AK1: variants seen among roughly 807,000 people sequenced by gnomAD.
The protein encoded by AK1 is adenylate kinase isoenzyme 1.
In AK1, 13 loss-of-function variants were observed where a neutral mutation model predicts 23.9. That is an observed-to-expected ratio of 0.54 (90% CI 0.35 to 0.86). The LOEUF is 0.86. Ranked by LOEUF, AK1 falls within the 40% of genes least tolerant of loss-of-function variation. The probability of loss-of-function intolerance (pLI) is 0.01; values close to 1 mark genes in which losing one functional copy is unlikely to be tolerated. For synonymous variants in AK1, 97 were observed against 102.8 expected (o/e 0.94, Z 0.34); for missense variants, 214 against 255.1 (o/e 0.84, Z 1.10).
Position 127,874,619 on chromosome 9 carries a change from C to T in AK1, c.-2G>A. ...GGAGAGGAGGCTCATACCTTCCATC[C>T]TGCCGAGGTCCCGGGAGCCGTGTCA... On this transcript the variant is annotated 5_prime_UTR_variant, in exon 2 of 7. Coordinates refer to ENST00000644144, the MANE Select transcript of AK1 (RefSeq NM_000476.3). The T allele has an allele frequency of 6.2e-7, 1 of 1,613,718 alleles. No homozygotes were observed. Among genetic ancestry groups the T allele is most frequent in the Non-Finnish European group, 8.5e-7 (1 of 1,179,956 alleles).
rs1356518002 is a variant in AK1 at position 127,868,351 on chromosome 9, G to A, written c.486C>T (p.Ala162=). 2 of 1,606,660 alleles carry A rather than the reference G, an allele frequency of 1.2e-6. No homozygotes were observed. Among genetic ancestry groups the A allele is most frequent in the East Asian group, 2.2e-5 (1 of 44,696 alleles). The change falls in exon 6 of 7, where the codon GCC becomes GCT. Residue 162 remains alanine, a synonymous_variant. Transcript: ENST00000644144. The surrounding 1 kb of genome is among the most constrained non-coding windows in gnomAD (Gnocchi z 4.1). The stretch of plus-strand genomic sequence containing the variant: ...GCACAATGCCACGTTTCTCATAGAA[G>A]GCGATGACAGGTTCTGTGGCCTTGT... ...TYYKATEPVI[A]FYEKRGIVRK...
At position 127,868,354 on chromosome 9, in the gene AK1, G is replaced by C; in HGVS notation, c.483C>G (p.Ile161Met). 6.2e-7 allele frequency: 1 copy of C among 1,608,018 alleles called. No homozygotes were observed. Among genetic ancestry groups the C allele is most frequent in the Non-Finnish European group, 8.5e-7 (1 of 1,177,410 alleles). The stretch of plus-strand genomic sequence containing the variant: ...CAATGCCACGTTTCTCATAGAAGGC[G>C]ATGACAGGTTCTGTGGCCTTGTAAT... ...ETYYKATEPV[I>M]AFYEKRGIVR... Residue 161 changes from isoleucine (I) to methionine (M), a missense_variant, in exon 6 of 7, where the codon ATC (isoleucine) becomes ATG (methionine). Transcript: ENST00000644144. This position sits in a 1 kb window ranked among gnomAD's most constrained non-coding sequence, Gnocchi z 4.1.
chr9:127,872,647 C>T (rs73669437), intron 4 of AK1, 43 bp downstream of exon 4: 3 of 1,611,924 alleles, frequency 1.9e-6, no homozygotes, highest in Non-Finnish European at 2.5e-6. Flanking sequence ...CCACTCAGGG[C>T]TACTGTCATC....
rs750899537 is a variant in AK1, at chr9:127,874,636, G to C, written c.-19C>G. On this transcript the variant is annotated 5_prime_UTR_variant, in exon 2 of 7. Transcript: ENST00000644144. Reference sequence around the variant, plus strand: ...CTTCCATCCTGCCGAGGTCCCGGGAGCCGTGTCAGTGCTCTGTAAGACAAG... The same window carrying C: ...CTTCCATCCTGCCGAGGTCCCGGGACCCGTGTCAGTGCTCTGTAAGACAAG... The C allele has an allele frequency of 3.7e-6, 6 of 1,613,766 alleles. No homozygotes were observed. The highest frequency in any genetic ancestry group is 5.1e-6 in the Non-Finnish European group (6 of 1,179,982).
chr9:127,873,294 C>A, intron 2 of AK1: 1 of 1,532,958 alleles, frequency 6.5e-7, no homozygotes, highest in Non-Finnish European at 8.7e-7. Context: ...CGGGCAGAGG[C>A]AAAAGCCTAA....
In AK1 at chr9:127,873,684, C is replaced by T. The variant is rs78111106; in HGVS notation, c.8-623G>A. ...GCCTGCTGTTAGATCCCAGCAAGGC[C>T]ACAGCCCCACTGGGCAGAGGGAAAC... is the stretch of plus-strand genomic sequence containing the variant. On this transcript the variant is annotated intron_variant, in intron 2 of 6. Coordinates refer to ENST00000644144, the MANE Select transcript of AK1 (RefSeq NM_000476.3). 1,140 of 1,362,998 alleles carry T rather than the reference C, an allele frequency of 8.4e-4. 11 individuals carry two copies. In the African/African-American group the frequency reaches 0.015, roughly 18 times the overall value. 84.4% of individuals were successfully genotyped at this position (1,362,998 alleles called of 1,614,324 possible).
At chr9:127,869,365 C>T (rs2767399) in intron 5 of AK1, 1 of 153,758 alleles carries the variant, frequency 6.5e-6, no homozygotes, top group Admixed American at 6.5e-5. Flanking sequence ...TTCTGCGCAG[C>T]TTTGGCCCTG....
chr9:127,871,770 G>C lies in AK1; in HGVS notation c.324+53C>G. On this transcript the variant is annotated intron_variant, in intron 5 of 6. Transcript: ENST00000644144. This position sits in a 1 kb window ranked among gnomAD's most constrained non-coding sequence, Gnocchi z 4.4. ...CCCGCAGGCCCGCCCATGGGGATGG[G>C]AGTCTTATCCTGCCCCAGCCCACCA... The C allele has an allele frequency of 4.0e-6, 6 of 1,485,868 alleles. No homozygotes were observed. Among genetic ancestry groups the C allele is most frequent in the Non-Finnish European group, 5.6e-6 (6 of 1,064,482 alleles). The allele number at this position is 1,485,868 out of a possible 1,614,324, so 92.0% of individuals were successfully genotyped here.
intron 2 of AK1, chr9:127,874,074 G>A (rs1829482727): frequency 1.0e-6 from 1 of 985,418 alleles, no homozygotes; most frequent in African/African-American, 1.7e-5. Context: ...GGCCCGCTGG[G>A]TGTCTTTAAG....
At chr9:127,879,297 C>T (rs1829598228), upstream of AK1, among the ~76,000 whole-genome samples, 2 of 152,034 alleles carry the variant, frequency 1.3e-5, no homozygotes, top group South Asian at 4.2e-4. Flanking sequence ...GTTAATGGGA[C>T]AAGAGGCTTC....
upstream of AK1, among the ~76,000 whole-genome samples, chr9:127,879,122 A>G (rs990739444): frequency 7.3e-5 from 11 of 151,212 alleles, no homozygotes; most frequent in African/African-American, 2.7e-4. Flanking sequence ...GCGCCCTTCT[A>G]CTTTAAGAAA....
At chr9:127,877,863 CG>C (rs1829578295), upstream of AK1, 1 of 152,286 alleles carries the variant, frequency 6.6e-6, no homozygotes, top group South Asian at 2.1e-4. The surrounding 1 kb of genome is among the most constrained non-coding windows in gnomAD (Gnocchi z 5.2). Flanking sequence ...TGCCCCGCAC[CG>C]TGGACCCCCA....
chr9:127,873,169 C>A (rs1280776662), intron 2 of AK1, 108 bp from the exon 3 acceptor site: 5 of 1,549,714 alleles, frequency 3.2e-6, no homozygotes, highest in Non-Finnish European at 3.5e-6. Context: ...GGGACAGACA[C>A]CGCTGGCGCT....
At position 127,868,325 on chromosome 9, in the gene AK1, C is replaced by T. The variant is rs950588967; in HGVS notation, c.512G>A (p.Arg171His). ...CCCTGGGCCCGCGGGGCCCACCTTG[C>T]GCACAATGCCACGTTTCTCATAGAA... ...IAFYEKRGIV[R>H]KVNAEGSVDS... Residue 171 changes from arginine (R) to histidine (H), a missense_variant, in exon 6 of 7, where the codon CGC (arginine) becomes CAC (histidine). Arg to His is a conservative substitution (Grantham distance 29, BLOSUM62 0). Coordinates refer to ENST00000644144, the MANE Select transcript of AK1 (RefSeq NM_000476.3). The surrounding 1 kb of genome is among the most constrained non-coding windows in gnomAD (Gnocchi z 4.1). The T allele has an allele frequency of 4.4e-6, 7 of 1,584,392 alleles. No homozygotes were observed. Among genetic ancestry groups the T allele is most frequent in the African/African-American group, 1.3e-5 (1 of 74,412 alleles).
In AK1 at chr9:127,871,765, G is replaced by T; in HGVS notation, c.324+58C>A. The T allele has an allele frequency of 6.9e-7, 1 of 1,445,184 alleles. No homozygotes were observed. The allele number at this position is 1,445,184 out of a possible 1,614,324, so 89.5% of individuals were successfully genotyped here. A position where few individuals can be genotyped will look rare whatever the true frequency, so the allele number is the denominator to read the frequency against. On this transcript the variant is annotated intron_variant, in intron 5 of 6. Coordinates refer to ENST00000644144, the MANE Select transcript of AK1 (RefSeq NM_000476.3). The surrounding 1 kb of genome is among the most constrained non-coding windows in gnomAD (Gnocchi z 4.4). ...CAGCCCCCGCAGGCCCGCCCATGGGGATGGGAGTCTTATCCTGCCCCAGCC... is the reference window on the plus strand; with the variant it reads ...CAGCCCCCGCAGGCCCGCCCATGGGTATGGGAGTCTTATCCTGCCCCAGCC...
At chr9:127,878,032 C>T (rs754001213), upstream of AK1, among the ~76,000 whole-genome samples, 23 of 152,224 alleles carry the variant, frequency 1.5e-4, no homozygotes, top group Non-Finnish European at 2.8e-4. Flanking sequence ...CGGCTCTTTC[C>T]GCAAAATCCC....
At chr9:127,873,554 A>G (rs1054621368) in intron 2 of AK1, 122 of 1,434,658 alleles carry the variant, frequency 8.5e-5, no homozygotes, top group Middle Eastern at 1.8e-4. Flanking sequence ...CAACCACAAC[A>G]TATGTTGCCA....
rs753753781 is a variant in AK1 at position 127,868,103 on chromosome 9, G to A, written c.517-27C>T. ...TGTGGGGAGATGGGCCGTGAGGGCT[G>A]AGTCACCAGGTGGAGTGGGGTGGGC... On this transcript the variant is annotated intron_variant, in intron 6 of 6. Transcript: ENST00000644144. This position sits in a 1 kb window ranked among gnomAD's most constrained non-coding sequence, Gnocchi z 4.1. 40 of 1,612,418 alleles carry A rather than the reference G, an allele frequency of 2.5e-5. No homozygotes were observed. In the South Asian group the frequency reaches 3.7e-4, roughly 15 times the overall value.
upstream of AK1, among the ~76,000 whole-genome samples, chr9:127,877,918 AAG>A (rs1374640063): frequency 1.3e-5 from 2 of 152,246 alleles, no homozygotes; most frequent in East Asian, 1.9e-4. The surrounding 1 kb of genome is among the most constrained non-coding windows in gnomAD (Gnocchi z 5.2). Flanking sequence ...ACAGTTTGCC[AAG>A]AGTTTTCCAT....
Sources: gnomAD v4.1 joint callset for allele counts (sites outside exome capture counted in the v4.1 genomes callset) on GRCh38, gnomAD v4.1.1 for gene constraint, Gnocchi (gnomAD v3.1) non-coding constraint, MANE v1.5 for transcripts, NCBI Gene and HGNC (gene_info 2026-07-23, HGNC 2026-07-21) for gene names.